The following IL1RL1 variants were observed in gnomAD, a reference collection of about 807,000 sequenced individuals.
IL1RL1 encodes interleukin 1 receptor like 1.
In IL1RL1, 32 loss-of-function variants were observed where a neutral mutation model predicts 50.9. The observed-to-expected ratio is 0.63, with a 90% CI of 0.47 to 0.84. IL1RL1 has a LOEUF of 0.84. Among genes scored for constraint, IL1RL1 ranks in the 40% least tolerant of loss-of-function variants. IL1RL1 has a pLI of 0.00. For synonymous variants in IL1RL1, 275 were observed against 236.0 expected (o/e 1.17, Z -1.51); for missense variants, 773 against 662.9 (o/e 1.17, Z -1.82).
At chr2:102,345,555 G>A (rs552630658) in intron 8 of IL1RL1, 1 of 985,436 alleles carries the variant, frequency 1.0e-6, no homozygotes, top group South Asian at 4.7e-5. Flanking sequence ...ACAGAGAGAG[G>A]CACAACAGGA....
intron 1 of IL1RL1, among the ~76,000 whole-genome samples, chr2:102,324,075 T>A (rs1259440941): frequency 6.6e-6 from 1 of 151,594 alleles, no homozygotes; most frequent in Admixed American, 6.6e-5. Flanking sequence ...TAGCCATATA[T>A]GTGCTGACGG....
intron 1 of IL1RL1, among the ~76,000 whole-genome samples, chr2:102,324,893 C>A (rs1030117031): frequency 5.9e-5 from 9 of 152,208 alleles, no homozygotes; most frequent in African/African-American, 2.2e-4. Context: ...CTCAAGGAGG[C>A]CTGCCTGCCT....
At chr2:102,319,699 T>C (rs72823641) in intron 1 of IL1RL1, among the ~76,000 whole-genome samples, 1 of 152,166 alleles carries the variant, frequency 6.6e-6, no homozygotes, top group Non-Finnish European at 1.5e-5. Flanking sequence ...CTCTTTTCTT[T>C]TTTTTGTGAC....
chr2:102,321,995 C>A (rs1191527332), intron 1 of IL1RL1, among the ~76,000 whole-genome samples: 1 of 152,184 alleles, frequency 6.6e-6, no homozygotes, highest in Non-Finnish European at 1.5e-5. Context: ...AGGAGATTAT[C>A]TATCTATGTA....
In IL1RL1 at chr2:102,338,210, T is replaced by G; in HGVS notation, c.-55T>G. The G allele has an allele frequency of 8.4e-7, 1 of 1,195,176 alleles. No individual in the cohort carries two copies. Among genetic ancestry groups the G allele is most frequent in the South Asian group, 1.2e-5 (1 of 80,130 alleles). 74.0% of individuals were successfully genotyped at this position (1,195,176 alleles called of 1,614,324 possible). A position where few individuals can be genotyped will look rare whatever the true frequency, so the allele number is the denominator to read the frequency against. On this transcript the variant is annotated 5_prime_UTR_variant, in exon 2 of 11. Transcript: ENST00000233954. ...TTCACTGTCGTATGCCAGTGACTCA[T>G]CTGGAGTAATCTCAACAACGAGTTA...
intron 1 of IL1RL1, among the ~76,000 whole-genome samples, chr2:102,313,846 C>T (rs112129822): frequency 3.9e-5 from 6 of 152,134 alleles, no homozygotes; most frequent in Admixed American, 2.0e-4. Flanking sequence ...TGTGTGCGTG[C>T]ACTTGCATGC....
intron 6 of IL1RL1, 149 bp from the exon 7 acceptor site, chr2:102,342,887 T>A (rs781336197): frequency 4.1e-6 from 3 of 725,740 alleles, no homozygotes; most frequent in Non-Finnish European, 7.0e-6. Flanking sequence ...AGAGAGGACA[T>A]AGAAAGAGGA....
chr2:102,332,682 A>G (rs1677207330), intron 1 of IL1RL1, among the ~76,000 whole-genome samples: 1 of 152,164 alleles, frequency 6.6e-6, no homozygotes, highest in Non-Finnish European at 1.5e-5. Flanking sequence ...CTTCATGTTA[A>G]TGGGTATGGG....
At chr2:102,333,680 G>A (rs1323192116) in intron 1 of IL1RL1, among the ~76,000 whole-genome samples, 2 of 152,074 alleles carry the variant, frequency 1.3e-5, no homozygotes, top group African/African-American at 4.8e-5. Flanking sequence ...GTGGGGACTG[G>A]TCTTACCCAA....
chr2:102,345,454 A>C (rs1237913183), intron 8 of IL1RL1: 4 of 985,264 alleles, frequency 4.1e-6, no homozygotes, highest in Non-Finnish European at 4.8e-6. Flanking sequence ...ATCATGTAGA[A>C]ATTGTTTAAT....
At chr2:102,329,808 A>T (rs1559598924) in intron 1 of IL1RL1, among the ~76,000 whole-genome samples, 1 of 152,222 alleles carries the variant, frequency 6.6e-6, no homozygotes. Context: ...CACACCAGTT[A>T]GAATGGTGAT....
intron 1 of IL1RL1, among the ~76,000 whole-genome samples, chr2:102,314,349 G>A (rs2104957434): frequency 6.6e-6 from 1 of 152,348 alleles, no homozygotes; most frequent in South Asian, 2.1e-4. Flanking sequence ...GACTAAACAT[G>A]GACATATGTG....
chr2:102,341,795 G>T (rs1677576207), intron 5 of IL1RL1, among the ~76,000 whole-genome samples: 1 of 152,162 alleles, frequency 6.6e-6, no homozygotes, highest in South Asian at 2.1e-4. Context: ...TTTCACTGAG[G>T]ATGGGCCACC....
chr2:102,326,944 A>T (rs1294265395), intron 1 of IL1RL1, among the ~76,000 whole-genome samples: 3 of 152,234 alleles, frequency 2.0e-5, no homozygotes, highest in African/African-American at 7.2e-5. Flanking sequence ...AGACAGATCA[A>T]CGAGACAGAA....
intron 1 of IL1RL1, among the ~76,000 whole-genome samples, chr2:102,333,257 G>T (rs552892711): frequency 2.2e-4 from 34 of 152,332 alleles, no homozygotes; most frequent in Middle Eastern, 6.8e-3. Flanking sequence ...ATCCAAGTGA[G>T]AGACCATGGT....
chr2:102,318,962 A>G lies in IL1RL1; in HGVS notation c.-150+7339A>G, dbSNP rs761008152. Among the ~76,000 whole-genome samples, 36 of 152,260 alleles carry G rather than the reference A, an allele frequency of 2.4e-4. 1 individual carries two copies. The highest frequency in any genetic ancestry group is 2.0e-3 in the Admixed American group (30 of 15,290). ...TGTTTCCAAAGTGGATTCAAATTCC[A>G]TAATATTATTGCAAAACAAACAAAC... On this transcript the variant is annotated intron_variant, in intron 1 of 10. Transcript: ENST00000233954.
intron 8 of IL1RL1, chr2:102,343,721 G>A: frequency 7.8e-7 from 1 of 1,281,924 alleles, no homozygotes; most frequent in Non-Finnish European, 9.9e-7. Flanking sequence ...CTGTGTCACT[G>A]TATGTGAAAG....
chr2:102,317,255 G>A (rs1676704126), intron 1 of IL1RL1, among the ~76,000 whole-genome samples: 1 of 152,070 alleles, frequency 6.6e-6, no homozygotes, highest in African/African-American at 2.4e-5. Flanking sequence ...TCGGGAGGCT[G>A]AGGCAGGAGA....
intron 8 of IL1RL1, chr2:102,344,846 T>G (rs1677722299): frequency 2.1e-6 from 2 of 955,500 alleles, no homozygotes; most frequent in South Asian, 9.7e-5. Context: ...CCTCATCATT[T>G]GGAAAGTCAA....
Sources: allele counts gnomAD v4.1 joint callset (sites outside exome capture counted in the v4.1 genomes callset), GRCh38; gene constraint gnomAD v4.1.1; transcripts MANE v1.5; gene names NCBI Gene and HGNC (gene_info 2026-07-23, HGNC 2026-07-21).